Variants in SH3KBP1 observed in about 807,000 individuals in gnomAD.
SH3KBP1 encodes the protein SH3 domain-containing kinase-binding protein 1.
SH3KBP1 carries 8 observed loss-of-function variants against 50.1 expected under a neutral mutation model. That is an observed-to-expected ratio of 0.16 (90% CI 0.09 to 0.29). The LOEUF (loss-of-function observed/expected upper bound fraction) is 0.29. SH3KBP1 is among the 10% of genes least tolerant of loss of function. The pLI, the probability that SH3KBP1 is intolerant of heterozygous loss-of-function variation, is 1.00. For missense variants in SH3KBP1, 377 were observed against 535.2 expected, an observed-to-expected ratio of 0.70 and a Z score of 2.92; for synonymous variants, 227 against 218.6, an observed-to-expected ratio of 1.04 and a Z score of -0.34.
At position 19,737,767 on chromosome X, in the gene SH3KBP1, T is replaced by C. The variant is rs1472979221; in HGVS notation, c.286+8551A>G. Among the ~76,000 whole-genome samples the C allele has an allele frequency of 3.6e-5, 4 of 112,068 alleles. No homozygotes were observed. In the East Asian group the frequency reaches 1.1e-3, roughly 31 times the overall value. On this transcript the variant is annotated intron_variant, in intron 3 of 17. Coordinates refer to ENST00000397821, the MANE Select transcript of SH3KBP1 (RefSeq NM_031892.3). ...TCATGCCAAAGCCCAGACTAGGACTTCCACTCATGTGTCTAAGCCTCATTC... is the reference window on the plus strand; with the variant it reads ...TCATGCCAAAGCCCAGACTAGGACTCCCACTCATGTGTCTAAGCCTCATTC...
At chrX:19,763,891 A>G (rs1209431031) in intron 2 of SH3KBP1, among the ~76,000 whole-genome samples, 1 of 107,652 alleles carries the variant, frequency 9.3e-6, no homozygotes, top group African/African-American at 3.4e-5. Flanking sequence ...ACACAGTGGC[A>G]TGCACCTGTA....
chrX:19,702,290 C>T (rs1235373517), intron 4 of SH3KBP1, among the ~76,000 whole-genome samples: 1 of 111,930 alleles, frequency 8.9e-6, no homozygotes, highest in African/African-American at 3.3e-5. Flanking sequence ...GGCCTATCCA[C>T]ACCCACAAAA....
At chrX:19,547,996 A>G (rs1435515194) in intron 14 of SH3KBP1, among the ~76,000 whole-genome samples, 2 of 113,019 alleles carry the variant, frequency 1.8e-5, no homozygotes, top group African/African-American at 6.4e-5. Flanking sequence ...AAATGAAATC[A>G]CTTCATATAA....
At chrX:19,737,256 T>A (rs2064614663) in intron 3 of SH3KBP1, among the ~76,000 whole-genome samples, 1 of 110,921 alleles carries the variant, frequency 9.0e-6, no homozygotes, top group Admixed American at 9.6e-5. Context: ...CAGAAAAACT[T>A]CCCTTTGGAA....
chrX:19,648,953 G>T (rs1233311079), intron 6 of SH3KBP1, among the ~76,000 whole-genome samples: 3 of 111,667 alleles, frequency 2.7e-5, no homozygotes, highest in Non-Finnish European at 5.6e-5. Context: ...AATTTCAAAG[G>T]GCATGCCTCA....
chrX:19,846,142 A>G (rs928737469), intron 1 of SH3KBP1, among the ~76,000 whole-genome samples: 4 of 111,224 alleles, frequency 3.6e-5, no homozygotes, highest in African/African-American at 1.3e-4. Context: ...GCTCCCTGCA[A>G]CCTCCACCTC....
At chrX:19,875,149 C>G (rs940351325) in intron 1 of SH3KBP1, among the ~76,000 whole-genome samples, 2 of 111,126 alleles carry the variant, frequency 1.8e-5, no homozygotes, top group African/African-American at 3.3e-5. Context: ...AAGCGCCAGA[C>G]GATGTCACAA....
chrX:19,649,991 T>C (rs769016015), intron 6 of SH3KBP1, among the ~76,000 whole-genome samples: 32 of 112,079 alleles, frequency 2.9e-4, no homozygotes, highest in Admixed American at 2.4e-3. Context: ...CTTCCAATTA[T>C]AGGACAATGC....
At chrX:19,711,403 C>A (rs1043511935) in intron 3 of SH3KBP1, among the ~76,000 whole-genome samples, 62 of 111,695 alleles carry the variant, frequency 5.6e-4, no homozygotes, top group African/African-American at 2.0e-3. Context: ...ATGACCCAGT[C>A]CCCAAAACAG....
intron 2 of SH3KBP1, among the ~76,000 whole-genome samples, chrX:19,825,691 T>C (rs183039095): frequency 1.8e-5 from 2 of 111,502 alleles, no homozygotes; most frequent in East Asian, 5.6e-4. Flanking sequence ...CTGGCCAAGA[T>C]GGCAAAACCC....
chrX:19,861,223 A>G (rs895634032), intron 1 of SH3KBP1, among the ~76,000 whole-genome samples: 1 of 109,251 alleles, frequency 9.2e-6, no homozygotes, highest in Non-Finnish European at 1.9e-5. Flanking sequence ...AAAAAATACA[A>G]AAAATTAGCC....
intron 9 of SH3KBP1, among the ~76,000 whole-genome samples, chrX:19,604,276 C>A (rs895984985): frequency 8.9e-6 from 1 of 111,826 alleles, no homozygotes; most frequent in African/African-American, 3.3e-5. Flanking sequence ...AAGAGATCAA[C>A]GGATGCTCTT....
intron 16 of SH3KBP1, among the ~76,000 whole-genome samples, chrX:19,539,526 C>A (rs186686173): frequency 8.9e-6 from 1 of 112,343 alleles, no homozygotes; most frequent in Non-Finnish European, 1.9e-5. Flanking sequence ...GACTGGCAGG[C>A]AAAGCCTCAA....
intron 1 of SH3KBP1, among the ~76,000 whole-genome samples, chrX:19,876,556 CGGG>C: frequency 9.0e-6 from 1 of 110,756 alleles, no homozygotes; most frequent in Admixed American, 9.6e-5. Context: ...TGCACATCTC[CGGG>C]GGGGAGAAAA....
At chrX:19,768,948 G>C (rs2065699598) in intron 2 of SH3KBP1, among the ~76,000 whole-genome samples, 1 of 109,083 alleles carries the variant, frequency 9.2e-6, no homozygotes, top group Non-Finnish European at 1.9e-5. Context: ...TTTTAAATTA[G>C]TAAGATCTTT....
intron 1 of SH3KBP1, among the ~76,000 whole-genome samples, chrX:19,853,819 G>A (rs763100108): frequency 1.8e-5 from 2 of 110,210 alleles, no homozygotes; most frequent in African/African-American, 6.6e-5. Flanking sequence ...AAAATTAGCC[G>A]GGCGTGGTGG....
intron 6 of SH3KBP1, among the ~76,000 whole-genome samples, chrX:19,657,477 C>G (rs2062314594): frequency 9.1e-6 from 1 of 110,170 alleles, no homozygotes; most frequent in South Asian, 3.9e-4. Context: ...CGCCTGTAAT[C>G]CCAGCACTTT....
chrX:19,688,646 T>C (rs1569420478), intron 5 of SH3KBP1, among the ~76,000 whole-genome samples: 1 of 93,425 alleles, frequency 1.1e-5, no homozygotes, highest in South Asian at 6.5e-4. Context: ...CACACCCACA[T>C]ACACGCACAC....
intron 1 of SH3KBP1, among the ~76,000 whole-genome samples, chrX:19,839,244 G>A (rs1490974265): frequency 9.1e-6 from 1 of 109,443 alleles, no homozygotes; most frequent in Non-Finnish European, 1.9e-5. Context: ...AACAGCGTAG[G>A]AGCTTCTCTG....
Sources: gnomAD v4.1 joint callset for allele counts (sites outside exome capture counted in the v4.1 genomes callset) on GRCh38, gnomAD v4.1.1 for gene constraint, MANE v1.5 for transcripts, NCBI Gene and HGNC (gene_info 2026-07-23, HGNC 2026-07-21) for gene names.